The following RPTOR variants were observed in gnomAD, a reference collection of about 807,000 sequenced individuals.
RPTOR encodes the protein regulatory-associated protein of mTOR.
Under a neutral mutation model 169.9 loss-of-function variants are expected in RPTOR, and 21 were observed. The ratio of observed to expected loss-of-function variants is 0.12; its 90% CI spans 0.09 to 0.18. RPTOR has a LOEUF of 0.18. RPTOR is among the 10% of genes least tolerant of loss of function. RPTOR has a pLI of 1.00. For missense variants in RPTOR, 1,133 were observed against 1,855.9 expected, an observed-to-expected ratio of 0.61 and a Z score of 7.16; for synonymous variants, 732 against 753.2, an observed-to-expected ratio of 0.97 and a Z score of 0.46.
intron 1 of RPTOR, among the ~76,000 whole-genome samples, chr17:80,566,991 G>A (rs1478654358): frequency 3.4e-5 from 5 of 148,976 alleles, no homozygotes; most frequent in Admixed American, 1.3e-4. Flanking sequence ...TTTTTTTTGA[G>A]ACAGAGTCTC....
rs145760626 is a variant in RPTOR at position 80,859,234 on chromosome 17, TG to T, written c.1509+1335del. On this transcript the variant is annotated intron_variant, in intron 13 of 33. Transcript: ENST00000306801. ...GGCAGGCGAGACCCTCGAAGGAAAA[TG>T]TGGAAGGCTCAGCTGCGGGAGAACT... Among the ~76,000 whole-genome samples the T allele has an allele frequency of 4.8e-4, 73 of 152,046 alleles. 2 individuals are homozygous for T. In the East Asian group the frequency reaches 0.012, roughly 25 times the overall value.
Position 80,730,680 on chromosome 17 carries a change from G to T in RPTOR, c.628G>T (p.Ala210Ser), listed in dbSNP as rs560409938. 2.7e-5 allele frequency: 41 copies of T among 1,530,356 alleles called. No homozygotes were observed. The East Asian group carries it at 1.1e-3, about 41-fold the overall frequency. 94.8% of individuals were successfully genotyped at this position (1,530,356 alleles called of 1,614,324 possible). A position where few individuals can be genotyped will look rare whatever the true frequency, so the allele number is the denominator to read the frequency against. ...GATCGTCAAGTCCTTCAAGCAGTTC[G>T]CACTACAGCGGGAGCAGGAGCTGGA... ...GLIVKSFKQFALQREQELEVA... is the reference protein window; with the variant it reads ...GLIVKSFKQFSLQREQELEVA... Residue 210 changes from alanine (A) to serine (S), a missense_variant, in exon 5 of 34, where the codon GCA becomes TCA. Around this residue, in one of 9 missense-constraint regions of RPTOR, gnomAD observed 35 missense variants for 31.8 expected, o/e 1.10. Coordinates refer to ENST00000306801, the MANE Select transcript of RPTOR (RefSeq NM_020761.3). This position sits in a 1 kb window ranked among gnomAD's most constrained non-coding sequence, Gnocchi z 4.2.
intron 6 of RPTOR, among the ~76,000 whole-genome samples, chr17:80,771,294 C>T (rs2066840655): frequency 1.3e-5 from 2 of 152,186 alleles, no homozygotes; most frequent in Non-Finnish European, 2.9e-5. Context: ...CTATCCTGAC[C>T]CCTCTGAGAT....
intron 3 of RPTOR, among the ~76,000 whole-genome samples, chr17:80,662,750 A>G (rs538527527): frequency 5.3e-5 from 8 of 152,328 alleles, no homozygotes; most frequent in Non-Finnish European, 1.2e-4. Flanking sequence ...CATTAGTGAC[A>G]TCTACATCTT....
At chr17:80,807,536 C>G (rs909958016) in intron 7 of RPTOR, among the ~76,000 whole-genome samples, 7 of 152,020 alleles carry the variant, frequency 4.6e-5, no homozygotes, top group African/African-American at 1.4e-4. Context: ...ATTTTTAGTA[C>G]AGACAGGGTT....
At chr17:80,800,007 C>T (rs960579206) in intron 7 of RPTOR, among the ~76,000 whole-genome samples, 1 of 152,222 alleles carries the variant, frequency 6.6e-6, no homozygotes, top group African/African-American at 2.4e-5. Context: ...GTCTGCCAGG[C>T]CAGAGCTCTC....
At chr17:80,877,621 G>C (rs1342988196) in intron 13 of RPTOR, among the ~76,000 whole-genome samples, 1 of 152,246 alleles carries the variant, frequency 6.6e-6, no homozygotes, top group African/African-American at 2.4e-5. Context: ...TGTGGAACCT[G>C]TGGTTAAAAC....
intron 5 of RPTOR, among the ~76,000 whole-genome samples, chr17:80,748,631 A>G (rs1475458326): frequency 3.6e-4 from 25 of 69,916 alleles, no homozygotes; most frequent in Admixed American, 1.9e-3. Flanking sequence ...GTGTGTGTTT[A>G]GAGGCCGTGG....
intron 13 of RPTOR, among the ~76,000 whole-genome samples, chr17:80,866,810 G>A (rs1304267575): frequency 6.6e-6 from 1 of 152,052 alleles, no homozygotes; most frequent in Non-Finnish European, 1.5e-5. Context: ...GAACTTCTGG[G>A]CTCCAGCGAT....
intron 21 of RPTOR, 83 bp downstream of exon 21, chr17:80,909,012 G>A (rs537011069): frequency 4.0e-5 from 36 of 906,586 alleles, no homozygotes; most frequent in South Asian, 1.1e-4. Context: ...AGGTGTGCCC[G>A]GGTCCACACC....
At chr17:80,876,513 G>A (rs1281441545) in intron 13 of RPTOR, among the ~76,000 whole-genome samples, 2 of 49,448 alleles carry the variant, frequency 4.0e-5, no homozygotes, top group African/African-American at 2.5e-4. Context: ...CCCGTGCCAC[G>A]CAGGGTGTGT....
At chr17:80,700,552 G>A (rs1446215437) in intron 3 of RPTOR, among the ~76,000 whole-genome samples, 1 of 149,474 alleles carries the variant, frequency 6.7e-6, no homozygotes, top group Non-Finnish European at 1.5e-5. Flanking sequence ...TGATGGTGGT[G>A]GTGATGGTAG....
At chr17:80,761,529 CTCTG>C (rs2066736723) in intron 6 of RPTOR, among the ~76,000 whole-genome samples, 1 of 152,198 alleles carries the variant, frequency 6.6e-6, no homozygotes. Context: ...CTCAGCGTGG[CTCTG>C]TCTGGCCAGG....
intron 20 of RPTOR, among the ~76,000 whole-genome samples, chr17:80,906,851 A>C (rs1478701530): frequency 6.6e-6 from 1 of 151,826 alleles, no homozygotes; most frequent in Admixed American, 6.6e-5. Flanking sequence ...TGCAACACGC[A>C]TTCCTCATGG....
At chr17:80,670,807 C>G (rs538986379) in intron 3 of RPTOR, among the ~76,000 whole-genome samples, 3 of 152,106 alleles carry the variant, frequency 2.0e-5, no homozygotes, top group Admixed American at 6.6e-5. Flanking sequence ...AACTCCCCCC[C>G]ACATTCATTT....
chr17:80,807,734 T>G (rs1055534141), intron 7 of RPTOR, among the ~76,000 whole-genome samples: 10 of 152,296 alleles, frequency 6.6e-5, no homozygotes, highest in Admixed American at 2.6e-4. Context: ...TACACCTTTC[T>G]TCTCTTCTGT....
chr17:80,835,835 G>A (rs1299559523), intron 9 of RPTOR, among the ~76,000 whole-genome samples: 3 of 152,198 alleles, frequency 2.0e-5, no homozygotes, highest in Non-Finnish European at 4.4e-5. Flanking sequence ...AGGCATTTTA[G>A]AGAAGAGATA....
intron 21 of RPTOR, among the ~76,000 whole-genome samples, chr17:80,916,956 C>A (rs1598399383): frequency 1.3e-5 from 2 of 152,170 alleles, no homozygotes; most frequent in East Asian, 3.9e-4. Context: ...CCACTGCACT[C>A]CAGCCTGGCA....
chr17:80,791,608 G>A, intron 7 of RPTOR, 99 bp downstream of exon 7: 1 of 1,012,768 alleles, frequency 9.9e-7, no homozygotes, highest in Non-Finnish European at 1.5e-6. Flanking sequence ...CTATCAACAT[G>A]GCATGTTCCC....
Sources: allele counts gnomAD v4.1 joint callset (sites outside exome capture counted in the v4.1 genomes callset), GRCh38; gene constraint gnomAD v4.1.1; regional missense constraint gnomAD v4.1.1; non-coding constraint Gnocchi (gnomAD v3.1); transcripts MANE v1.5; gene names NCBI Gene and HGNC (gene_info 2026-07-23, HGNC 2026-07-21).